The following AGBL3 variants were observed in gnomAD, a reference collection of about 807,000 sequenced individuals.
AGBL3 encodes cytosolic carboxypeptidase 3.
Under a neutral mutation model 94.5 loss-of-function variants are expected in AGBL3, and 68 were observed. The observed-to-expected ratio is 0.72, with a 90% CI of 0.59 to 0.88. The LOEUF (loss-of-function observed/expected upper bound fraction) is 0.88. Ranked by LOEUF, AGBL3 falls within the 40% of genes least tolerant of loss-of-function variation. The pLI is 0.00. For missense variants in AGBL3, 934 were observed against 1,103.8 expected (o/e 0.85, Z 2.18); for synonymous variants, 354 against 370.7 (o/e 0.95, Z 0.52).
chr7:135,011,349 A>G (rs1452414467), intron 4 of AGBL3: 3 of 152,202 alleles, frequency 2.0e-5, no homozygotes, highest in Non-Finnish European at 4.4e-5. Flanking sequence ...TCTTCATAAT[A>G]TTAAAATCTG....
chr7:135,087,487 A>T (rs975321741), intron 15 of AGBL3, among the ~76,000 whole-genome samples: 1 of 151,862 alleles, frequency 6.6e-6, no homozygotes, highest in African/African-American at 2.4e-5. Context: ...CTTTCCTCTT[A>T]GTGCTGCTGT....
At chr7:135,060,044 G>C (rs1203550045) in intron 12 of AGBL3, among the ~76,000 whole-genome samples, 1 of 152,156 alleles carries the variant, frequency 6.6e-6, no homozygotes, top group African/African-American at 2.4e-5. Flanking sequence ...GCTTGGGCTA[G>C]AGAATACCCA....
intron 4 of AGBL3, among the ~76,000 whole-genome samples, chr7:135,015,646 A>G (rs9942549): frequency 0.48 from 73,495 of 151,592 alleles, 18,182 homozygotes; most frequent in South Asian, 0.65. Context: ...ATAAATAAAG[A>G]AGAGCATAAG....
intron 15 of AGBL3, among the ~76,000 whole-genome samples, chr7:135,108,320 G>A (rs1053441796): frequency 2.0e-5 from 3 of 151,408 alleles, no homozygotes; most frequent in African/African-American, 7.3e-5. Context: ...ACTGGTCTAC[G>A]TACTTAAGTG....
At chr7:135,072,152 A>G (rs1432426799) in intron 12 of AGBL3, among the ~76,000 whole-genome samples, 3 of 152,240 alleles carry the variant, frequency 2.0e-5, no homozygotes, top group South Asian at 4.1e-4. Context: ...GCCAAAAGAC[A>G]CATGAAAAAA....
intron 12 of AGBL3, among the ~76,000 whole-genome samples, chr7:135,071,741 C>A (rs894767862): frequency 1.3e-5 from 2 of 152,328 alleles, no homozygotes; most frequent in Middle Eastern, 3.4e-3. Context: ...CTCTTCCTTA[C>A]ACCTTATACA....
intron 12 of AGBL3, among the ~76,000 whole-genome samples, chr7:135,073,347 G>T (rs932628765): frequency 6.6e-6 from 1 of 152,042 alleles, no homozygotes; most frequent in Non-Finnish European, 1.5e-5. Context: ...GTGGGTGCCC[G>T]TAATCCCAGC....
At chr7:135,036,249 CTATTAA>C (rs1176457778) in intron 7 of AGBL3, among the ~76,000 whole-genome samples, 1 of 151,968 alleles carries the variant, frequency 6.6e-6, no homozygotes, top group South Asian at 2.1e-4. Flanking sequence ...AAAGCCTTTT[CTATTAA>C]TATTAGTCAT....
rs2117184274 is a variant in AGBL3 at position 135,115,411 on chromosome 7, A to G, written c.2142A>G (p.Lys714=). The change falls in exon 16 of 17, where the codon AAA becomes AAG. Residue 714 remains lysine, a synonymous_variant. Transcript: ENST00000436302. ...DLHHNLKSKI[K]ECISFQSKKT... ...ACCACAACTTAAAAAGCAAAATAAA[A>G]GAATGCATATCTTTCCAAAGCAAGA... The G allele has an allele frequency of 6.4e-7, 1 of 1,551,004 alleles. No homozygotes were observed. The highest frequency in any genetic ancestry group is 2.4e-5 in the East Asian group (1 of 40,876).
chr7:134,998,328 A>G (rs1303117185), intron 4 of AGBL3, among the ~76,000 whole-genome samples: 2 of 152,112 alleles, frequency 1.3e-5, no homozygotes, highest in Non-Finnish European at 2.9e-5. Context: ...TAGAAAACTG[A>G]CTTTACCTTT....
chr7:135,112,081 G>A (rs1825719019), intron 15 of AGBL3, among the ~76,000 whole-genome samples: 1 of 152,054 alleles, frequency 6.6e-6, no homozygotes, highest in Non-Finnish European at 1.5e-5. Context: ...CTGTTTTTTG[G>A]TCTTTAATAA....
At chr7:135,115,320 C>A in intron 15 of AGBL3, 60 bp from the exon 16 acceptor site, 1 of 1,118,554 alleles carries the variant, frequency 8.9e-7, no homozygotes, top group Non-Finnish European at 1.3e-6. Context: ...TAATAATGCC[C>A]AATAAGTAAT....
intron 4 of AGBL3, among the ~76,000 whole-genome samples, chr7:134,996,244 G>A (rs1031027412): frequency 1.3e-5 from 2 of 152,106 alleles, no homozygotes; most frequent in Admixed American, 6.5e-5. Flanking sequence ...GAAACACCAA[G>A]ATCTATGTGA....
In AGBL3 at chr7:135,135,107, C is replaced by T; in HGVS notation, c.2609C>T (p.Ala870Val). The change falls in exon 17 of 17, where the codon GCA (alanine) becomes GTA (valine). Residue 870 changes from alanine to valine, a missense_variant. Ala to Val is a moderately conservative substitution (Grantham distance 64, BLOSUM62 0). Coordinates refer to ENST00000436302, the MANE Select transcript of AGBL3 (RefSeq NM_178563.4). ...GCTTCTTCAAGCTTTGGAATGGATG[C>T]AAATGTTCTAAAATATAAGAGTCTT... Reference protein sequence around the residue: ...ETASSSFGMDANVLKYKSLQA... With the variant: ...ETASSSFGMDVNVLKYKSLQA... 1.3e-6 allele frequency: 2 copies of T among 1,551,124 alleles called. No homozygotes were observed. Among genetic ancestry groups the T allele is most frequent in the Non-Finnish European group, 1.7e-6 (2 of 1,146,626 alleles).
Position 135,083,521 on chromosome 7 carries a change from A to G in AGBL3, c.2110+1731A>G, listed in dbSNP as rs1224085273. 2.0e-5 allele frequency among the ~76,000 whole-genome samples: 3 copies of G among 152,012 alleles called. No homozygotes were observed. In the South Asian group the frequency reaches 6.2e-4, roughly 32 times the overall value. ...CAATCTATCTTTTTTCCCATTATCC[A>G]TTCTCTAAGAAAAAGAACATTCTCT... is the stretch of plus-strand genomic sequence containing the variant. On this transcript the variant is annotated intron_variant, in intron 15 of 16. Coordinates refer to ENST00000436302, the MANE Select transcript of AGBL3 (RefSeq NM_178563.4).
At chr7:135,025,830 C>A (rs1815027590) in intron 5 of AGBL3, among the ~76,000 whole-genome samples, 1 of 151,526 alleles carries the variant, frequency 6.6e-6, no homozygotes, top group Admixed American at 6.6e-5. Context: ...CAACAATAAT[C>A]AAGAAAAAGA....
At position 135,096,438 on chromosome 7, in the gene AGBL3, A is replaced by G. The variant is rs1021896915; in HGVS notation, c.2110+14648A>G. ...AGGAAAGAAAGAAAGAAAGAGATAT[A>G]TATGGCTATTCTTTTAATGACTCGT... On this transcript the variant is annotated intron_variant, in intron 15 of 16. Coordinates refer to ENST00000436302, the MANE Select transcript of AGBL3 (RefSeq NM_178563.4). Among the ~76,000 whole-genome samples the G allele has an allele frequency of 2.0e-5, 3 of 151,872 alleles. No homozygotes were observed. The East Asian group carries it at 5.8e-4, about 29-fold the overall frequency.
At chr7:134,987,756 T>A (rs1353102475) in intron 1 of AGBL3, 119 bp from the exon 2 acceptor site, 1 of 534,754 alleles carries the variant, frequency 1.9e-6, no homozygotes, top group Non-Finnish European at 3.3e-6. Flanking sequence ...TGTATTCTAA[T>A]TAGTTTTTAG....
chr7:135,080,294 T>G, intron 14 of AGBL3, 34 bp downstream of exon 14: 1 of 1,521,664 alleles, frequency 6.6e-7, no homozygotes, highest in Non-Finnish European at 8.9e-7. Flanking sequence ...CATAAACAAT[T>G]AATTCATTTA....
Sources: gnomAD v4.1 joint callset for allele counts (sites outside exome capture counted in the v4.1 genomes callset) on GRCh38, gnomAD v4.1.1 for gene constraint, MANE v1.5 for transcripts, NCBI Gene and HGNC (gene_info 2026-07-23, HGNC 2026-07-21) for gene names.